SLC38A10: variants seen among roughly 807,000 people sequenced by gnomAD.
SLC38A10 encodes the protein Sodium-coupled neutral amino acid transporter 10.
A neutral mutation model predicts 81.0 loss-of-function variants in SLC38A10; 53 were observed. That is an observed-to-expected ratio of 0.65 (90% CI 0.53 to 0.82). The LOEUF is 0.82. Among genes scored for constraint, SLC38A10 ranks in the 40% least tolerant of loss-of-function variants. The pLI is 0.00. For synonymous variants in SLC38A10, 665 were observed against 655.3 expected (o/e 1.01, Z -0.23); for missense variants, 1,471 against 1,545.0 (o/e 0.95, Z 0.80).
In SLC38A10 at chr17:81,246,326, C is replaced by T. The variant is rs372430209; in HGVS notation, c.2590G>A (p.Ala864Thr). ...GPEQVPVPDP[A>T]REAGGPEERL... ...TCCTCTGGGCCCCCGGCTTCCCTGGCGGGGTCTGGCACGGGCACCTGCTCC... is the reference window on the plus strand; with the variant it reads ...TCCTCTGGGCCCCCGGCTTCCCTGGTGGGGTCTGGCACGGGCACCTGCTCC... The change falls in exon 16 of 16, where the codon GCC (alanine) becomes ACC (threonine). Residue 864 changes from alanine (A) to threonine (T), a missense_variant. Physicochemically the swap from Ala to Thr is moderately conservative, Grantham distance 58. Transcript: ENST00000374759. The T allele has an allele frequency of 2.4e-5, 39 of 1,609,120 alleles. No homozygotes were observed. Among genetic ancestry groups the T allele is most frequent in the African/African-American group, 9.3e-5 (7 of 74,928 alleles).
chr17:81,284,777 G>A lies in SLC38A10; in HGVS notation c.263+73C>T, dbSNP rs2063247890. On this transcript the variant is annotated intron_variant, in intron 3 of 15. Coordinates refer to ENST00000374759, the MANE Select transcript of SLC38A10 (RefSeq NM_001037984.3). ...AGGTGAATCTGGGGATGAAACTGCC[G>A]CTCCCACCGGGAGGGTCCCCAGTGT... 5 of 1,238,238 alleles carry A rather than the reference G, an allele frequency of 4.0e-6. No individual in the cohort carries two copies. The South Asian group carries it at 4.9e-5, about 12-fold the overall frequency. 76.7% of individuals were successfully genotyped at this position (1,238,238 alleles called of 1,614,324 possible).
intron 1 of SLC38A10, among the ~76,000 whole-genome samples, chr17:81,293,642 T>C (rs2063326830): frequency 6.6e-6 from 1 of 152,174 alleles, no homozygotes; most frequent in African/African-American, 2.4e-5. Flanking sequence ...CAGCTAACTT[T>C]TAATTTTTTT....
At chr17:81,275,764 G>A (rs1055941349) in intron 8 of SLC38A10, among the ~76,000 whole-genome samples, 3 of 150,786 alleles carry the variant, frequency 2.0e-5, no homozygotes, top group African/African-American at 7.4e-5. Flanking sequence ...TGAACGCCAT[G>A]TGCCCATCTC....
At position 81,288,525 on chromosome 17, in the gene SLC38A10, C is replaced by T. The variant is rs764672663; in HGVS notation, c.217+1166G>A. ...GAGCCGAGAGGTGCCGAGCCTGTGGCGGGCAGGGAGACAGCGCGGGCCACA... is the reference window on the plus strand; with the variant it reads ...GAGCCGAGAGGTGCCGAGCCTGTGGTGGGCAGGGAGACAGCGCGGGCCACA... On this transcript the variant is annotated intron_variant, in intron 2 of 15. Coordinates refer to ENST00000374759, the MANE Select transcript of SLC38A10 (RefSeq NM_001037984.3). The surrounding 1 kb of genome is among the most constrained non-coding windows in gnomAD (Gnocchi z 5.4). 4.6e-5 allele frequency among the ~76,000 whole-genome samples: 7 copies of T among 152,126 alleles called. No homozygotes were observed. Among genetic ancestry groups the T allele is most frequent in the Non-Finnish European group, 8.8e-5 (6 of 68,044 alleles).
At chr17:81,279,678 A>G (rs538182654) in intron 6 of SLC38A10, 1 of 155,884 alleles carries the variant, frequency 6.4e-6, no homozygotes, top group East Asian at 1.9e-4. Flanking sequence ...ACCGGCTGCT[A>G]CGTGGCCACC....
intron 14 of SLC38A10, chr17:81,250,036 C>A: frequency 7.8e-7 from 1 of 1,286,208 alleles, no homozygotes; most frequent in Non-Finnish European, 1.0e-6. Flanking sequence ...GCCAGACAGG[C>A]TCTTGACTTC....
chr17:81,252,763 C>T, intron 12 of SLC38A10, 80 bp from the exon 13 acceptor site: 2 of 1,505,572 alleles, frequency 1.3e-6, no homozygotes. Context: ...GGGTTCTTCC[C>T]TGGGTTCTGG....
Position 81,283,577 on chromosome 17 carries a change from C to T in SLC38A10, c.264-75G>A, listed in dbSNP as rs1430302172. ...ACACCTGGGCTGCCGCCAGGGACTA[C>T]CCCAAGGCTGGGCTGAATGACAGAT... On this transcript the variant is annotated intron_variant, in intron 3 of 15. Coordinates refer to ENST00000374759, the MANE Select transcript of SLC38A10 (RefSeq NM_001037984.3). The surrounding 1 kb of genome is among the most constrained non-coding windows in gnomAD (Gnocchi z 4.7). The T allele has an allele frequency of 1.8e-6, 2 of 1,096,018 alleles. No homozygotes were observed. Among genetic ancestry groups the T allele is most frequent in the South Asian group, 1.3e-5 (1 of 74,232 alleles). The allele number at this position is 1,096,018 out of a possible 1,614,324, so 67.9% of individuals were successfully genotyped here.
intron 1 of SLC38A10, among the ~76,000 whole-genome samples, chr17:81,293,943 C>T (rs1314491741): frequency 1.3e-5 from 2 of 152,180 alleles, no homozygotes; most frequent in East Asian, 3.8e-4. Context: ...GCTGGAATGA[C>T]GCTAAACTTT....
chr17:81,254,319 GAC>G (rs2062952984), intron 11 of SLC38A10, among the ~76,000 whole-genome samples: 1 of 152,260 alleles, frequency 6.6e-6, no homozygotes, highest in African/African-American at 2.4e-5. Context: ...TAGGGAAACA[GAC>G]AGTTACACTG....
chr17:81,250,832 C>T (rs1031406793), intron 14 of SLC38A10: 23 of 1,011,334 alleles, frequency 2.3e-5, no homozygotes, highest in Non-Finnish European at 2.6e-5. Context: ...AAGGAGGGGT[C>T]GCAAAAAGCC....
rs1314379097 is a variant in SLC38A10, at chr17:81,277,143, A to C, written c.627-10T>G. ...GGTGGGCAGCACCTGGCTGTATAGA[A>C]ACAGGCCATTTCACAGCGGACCTGA... On this transcript the variant is annotated splice_polypyrimidine_tract_variant and intron_variant, in intron 6 of 15. Transcript: ENST00000374759. The surrounding 1 kb of genome is among the most constrained non-coding windows in gnomAD (Gnocchi z 4.5). The C allele has an allele frequency of 1.9e-5, 31 of 1,613,250 alleles. No homozygotes were observed. Among genetic ancestry groups the C allele is most frequent in the Non-Finnish European group, 2.6e-5 (31 of 1,179,614 alleles).
At chr17:81,250,189 G>C (rs2062897380) in intron 14 of SLC38A10, 4 of 1,193,070 alleles carry the variant, frequency 3.4e-6, no homozygotes, top group Non-Finnish European at 4.4e-6. Flanking sequence ...AATCAAACAG[G>C]TTCAGGTAAC....
At chr17:81,259,173 G>A (rs1040725009) in intron 11 of SLC38A10, among the ~76,000 whole-genome samples, 2 of 152,190 alleles carry the variant, frequency 1.3e-5, no homozygotes, top group Non-Finnish European at 2.9e-5. Context: ...TCCCTTCAAC[G>A]GACCTCTCCT....
intron 1 of SLC38A10, among the ~76,000 whole-genome samples, chr17:81,291,460 C>A (rs1207834504): frequency 6.7e-6 from 1 of 149,372 alleles, no homozygotes. Context: ...GCACCCCAGC[C>A]TGGGTGACAG....
intron 10 of SLC38A10, among the ~76,000 whole-genome samples, chr17:81,260,884 T>A (rs1456237675): frequency 6.6e-6 from 1 of 152,236 alleles, no homozygotes; most frequent in Non-Finnish European, 1.5e-5. Context: ...AGCGTCCCCG[T>A]CCATGCTGTC....
In SLC38A10 at chr17:81,246,210, A is replaced by G; in HGVS notation, c.2706T>C (p.Thr902=). The change falls in exon 16 of 16, where the codon ACT becomes ACC. Residue 902 remains threonine (T), a synonymous_variant. Transcript: ENST00000374759. The stretch of plus-strand genomic sequence containing the variant: ...TGGCTTCCTTCAGAATGCTGGTGCC[A>G]GTGGCTGCCACCTCCTTCCCAGGTT... ...RKKPGKEVAA[T]GTSILKEANW... 1 of 1,612,716 alleles carries G rather than the reference A, an allele frequency of 6.2e-7. No individual in the cohort carries two copies. Among genetic ancestry groups the G allele is most frequent in the Non-Finnish European group, 8.5e-7 (1 of 1,179,946 alleles).
chr17:81,248,299 T>C (rs1462772143), intron 14 of SLC38A10, among the ~76,000 whole-genome samples: 2 of 152,150 alleles, frequency 1.3e-5, no homozygotes, highest in African/African-American at 4.8e-5. Flanking sequence ...GGAGCGTCAG[T>C]GAGGCCCCCG....
intron 6 of SLC38A10, chr17:81,279,657 G>A (rs114271959): frequency 0.017 from 2,609 of 154,916 alleles, 29 homozygotes; most frequent in African/African-American, 0.034. Flanking sequence ...AACCAGACCC[G>A]AACGAGGTGC....
Sources: allele counts gnomAD v4.1 joint callset (sites outside exome capture counted in the v4.1 genomes callset), GRCh38; gene constraint gnomAD v4.1.1; non-coding constraint Gnocchi (gnomAD v3.1); transcripts MANE v1.5; gene names NCBI Gene and HGNC (gene_info 2026-07-23, HGNC 2026-07-21).